Variants in CNOT2 observed in about 807,000 individuals in gnomAD.
CNOT2 encodes the protein CC chemokine receptor 4-negative regulator of transcription 2.
A neutral mutation model predicts 72.1 loss-of-function variants in CNOT2; 7 were observed. The observed-to-expected ratio is 0.10, with a 90% CI of 0.06 to 0.18. The LOEUF is 0.18. Ranked by LOEUF, CNOT2 falls within the 10% of genes least tolerant of loss-of-function variation. CNOT2 has a pLI of 1.00. For synonymous variants in CNOT2, 196 were observed against 225.6 expected (o/e 0.87, Z 1.17); for missense variants, 345 against 660.3 (o/e 0.52, Z 5.23).
chr12:70,321,933 A>G (rs1201168363), intron 4 of CNOT2: 2 of 151,812 alleles, frequency 1.3e-5, no homozygotes, highest in South Asian at 2.1e-4. Flanking sequence ...CAGTTCTAGT[A>G]TAGTATGATT....
chr12:70,243,984 C>T (rs1176805220), intron 1 of CNOT2: 3 of 152,318 alleles, frequency 2.0e-5, no homozygotes, highest in Non-Finnish European at 4.4e-5. Context: ...CTGGTGCTGT[C>T]TGTGGCTTCT....
intron 15 of CNOT2, among the ~76,000 whole-genome samples, chr12:70,346,954 C>T (rs1368346834): frequency 7.4e-6 from 1 of 135,456 alleles, no homozygotes; most frequent in African/African-American, 2.7e-5. Context: ...GCATTTAGTA[C>T]GTTGTGTTTA....
At chr12:70,300,982 A>G (rs1233345708) in intron 2 of CNOT2, among the ~76,000 whole-genome samples, 1 of 152,116 alleles carries the variant, frequency 6.6e-6, no homozygotes, top group African/African-American at 2.4e-5. Context: ...CTTTGAAGCA[A>G]TTGTGAATGG....
chr12:70,269,751 G>T (rs1959181151), intron 1 of CNOT2, among the ~76,000 whole-genome samples: 1 of 152,102 alleles, frequency 6.6e-6, no homozygotes, highest in Non-Finnish European at 1.5e-5. Context: ...TTCAGTTAGA[G>T]GTTTGTAAAA....
chr12:70,258,280 T>G (rs1958556541), intron 1 of CNOT2, among the ~76,000 whole-genome samples: 1 of 152,136 alleles, frequency 6.6e-6, no homozygotes, highest in South Asian at 2.1e-4. Context: ...AAAACTGATC[T>G]CCAAGGGGTT....
rs141312540 is a variant in CNOT2, at chr12:70,252,692, C to A, written c.-96+9212C>A. Among the ~76,000 whole-genome samples the A allele has an allele frequency of 2.0e-5, 3 of 152,102 alleles. No individual in the cohort carries two copies. The East Asian group carries it at 5.8e-4, about 29-fold the overall frequency. ...ACTAACCAGCCTGAAATGGAATCAC[C>A]GTTGTACTGTTTTCAATTGGCTAGG... On this transcript the variant is annotated intron_variant, in intron 1 of 15. Coordinates refer to ENST00000229195, the MANE Select transcript of CNOT2 (RefSeq NM_014515.7).
intron 1 of CNOT2, chr12:70,244,223 G>T (rs1957756618): frequency 6.6e-6 from 1 of 152,212 alleles, no homozygotes. Flanking sequence ...ACTGAGTCCG[G>T]ATGATCCTGG....
intron 1 of CNOT2, among the ~76,000 whole-genome samples, chr12:70,249,021 A>T (rs1593019621): frequency 6.6e-6 from 1 of 152,110 alleles, no homozygotes; most frequent in Non-Finnish European, 1.5e-5. Flanking sequence ...AAACATATTG[A>T]TATACTATTT....
chr12:70,318,343 T>C (rs1877700649), intron 3 of CNOT2, among the ~76,000 whole-genome samples: 1 of 151,994 alleles, frequency 6.6e-6, no homozygotes, highest in African/African-American at 2.4e-5. Flanking sequence ...CACCACTGTT[T>C]ATGTTCTCTA....
chr12:70,319,697 T>C (rs1877958993), intron 4 of CNOT2, among the ~76,000 whole-genome samples: 1 of 151,164 alleles, frequency 6.6e-6, no homozygotes, highest in African/African-American at 2.4e-5. Context: ...TAAAAGCTTT[T>C]TTAGTTTATT....
rs146798806 is a variant in CNOT2, at chr12:70,252,871, C to T, written c.-96+9391C>T. 8.7e-3 allele frequency among the ~76,000 whole-genome samples: 1,318 copies of T among 152,196 alleles called. 10 individuals carry two copies. The highest frequency in any genetic ancestry group is 0.014 in the Non-Finnish European group (982 of 67,994). ...TTTTTGTGGGTTTTTTGTTCGTGTTCGTTTTGGAGTGGGACTTGTTAGGTT... is the reference window on the plus strand; with the variant it reads ...TTTTTGTGGGTTTTTTGTTCGTGTTTGTTTTGGAGTGGGACTTGTTAGGTT... On this transcript the variant is annotated intron_variant, in intron 1 of 15. Transcript: ENST00000229195.
At chr12:70,263,599 T>C (rs776405896) in intron 1 of CNOT2, among the ~76,000 whole-genome samples, 1 of 152,226 alleles carries the variant, frequency 6.6e-6, no homozygotes, top group African/African-American at 2.4e-5. Flanking sequence ...CACTTTCCTT[T>C]ACGTCTTTGA....
chr12:70,317,413 T>C (rs1877523377), intron 3 of CNOT2, among the ~76,000 whole-genome samples: 1 of 152,018 alleles, frequency 6.6e-6, no homozygotes, highest in African/African-American at 2.4e-5. Flanking sequence ...GAACTTTTAA[T>C]ATACCTACAA....
chr12:70,344,431 C>G (rs181233376), intron 14 of CNOT2: 8 of 465,252 alleles, frequency 1.7e-5, no homozygotes, highest in Admixed American at 7.8e-5. Context: ...AAAAGAATTT[C>G]AAACTTAATG....
intron 3 of CNOT2, among the ~76,000 whole-genome samples, chr12:70,314,482 T>C (rs556234564): frequency 6.6e-6 from 1 of 152,144 alleles, no homozygotes; most frequent in Non-Finnish European, 1.5e-5. Flanking sequence ...GAAAATAGGT[T>C]AGCAATGAAT....
chr12:70,348,528 T>G (rs1372852488), intron 15 of CNOT2, among the ~76,000 whole-genome samples: 5 of 152,184 alleles, frequency 3.3e-5, no homozygotes, highest in Non-Finnish European at 7.4e-5. Context: ...AGGAAAGAAC[T>G]GAAGTTTTCT....
chr12:70,320,327 A>C (rs1352940935), intron 4 of CNOT2, among the ~76,000 whole-genome samples: 1 of 151,812 alleles, frequency 6.6e-6, no homozygotes, highest in African/African-American at 2.4e-5. Context: ...ATAGTTTGTC[A>C]TAACACTTTA....
At chr12:70,283,772 G>A (rs182048168) in intron 2 of CNOT2, among the ~76,000 whole-genome samples, 10 of 151,444 alleles carry the variant, frequency 6.6e-5, no homozygotes, top group African/African-American at 2.2e-4. Flanking sequence ...CAGAGATAAA[G>A]TAAAGGGGTA....
intron 4 of CNOT2, among the ~76,000 whole-genome samples, chr12:70,320,298 A>G (rs994742747): frequency 6.6e-6 from 1 of 151,762 alleles, no homozygotes; most frequent in East Asian, 1.9e-4. Context: ...TGAAAAGCAA[A>G]GTTTTGACAG....
Sources: gnomAD v4.1 joint callset for allele counts (sites outside exome capture counted in the v4.1 genomes callset) on GRCh38, gnomAD v4.1.1 for gene constraint, MANE v1.5 for transcripts, NCBI Gene and HGNC (gene_info 2026-07-23, HGNC 2026-07-21) for gene names.